Variants in ATM observed in about 807,000 individuals in gnomAD.
ATM encodes ATM serine/threonine kinase, also known as serine-protein kinase ATM.
Under a neutral mutation model 387.0 loss-of-function variants are expected in ATM, and 308 were observed. That is an observed-to-expected ratio of 0.80 (90% CI 0.73 to 0.87). The LOEUF (loss-of-function observed/expected upper bound fraction) is 0.87. Among genes scored for constraint, ATM ranks in the 40% least tolerant of loss-of-function variants. The probability of loss-of-function intolerance (pLI) is 0.00; values close to 1 mark genes in which losing one functional copy is unlikely to be tolerated. For synonymous variants in ATM, 1,156 were observed against 1,187.3 expected (o/e 0.97, Z 0.54); for missense variants, 3,312 against 3,560.9 (o/e 0.93, Z 1.78).
rs2086725697 is a variant in ATM, at chr11:108,335,375, C to T, written c.8151+266C>T. On this transcript the variant is annotated intron_variant, in intron 55 of 62. Transcript: ENST00000675843. ...ACAGACATGTACAGTGAGGTTGCTT[C>T]TTATGAAAAAAAATACTTTGGTGTC... 9 of 1,082,728 alleles carry T rather than the reference C, an allele frequency of 8.3e-6. No homozygotes were observed. In the South Asian group the frequency reaches 1.4e-4, roughly 17 times the overall value. The allele number at this position is 1,082,728 out of a possible 1,614,324, so 67.1% of individuals were successfully genotyped here.
At chr11:108,223,380 T>TA (rs2078584683) in intron 1 of ATM, 194 bp downstream of exon 1, 1 of 152,552 alleles carries the variant, frequency 6.6e-6, no homozygotes, top group Admixed American at 6.5e-5. Context: ...CTCCTCCTTT[T>TA]AAACGCCCTG....
chr11:108,354,629 T>C (rs1335561386), intron 60 of ATM, among the ~76,000 whole-genome samples, 182 bp from the exon 61 acceptor site: 5 of 152,196 alleles, frequency 3.3e-5, no homozygotes, highest in Non-Finnish European at 7.3e-5. Flanking sequence ...AAATACATAT[T>C]TGTATTCATT....
At chr11:108,305,505 A>C (rs928800493) in intron 37 of ATM, among the ~76,000 whole-genome samples, 2 of 152,154 alleles carry the variant, frequency 1.3e-5, no homozygotes, top group African/African-American at 4.8e-5. Context: ...ACTTGAACTC[A>C]GGAGGTAGAG....
At position 108,235,835 on chromosome 11, in the gene ATM, G is replaced by C. The variant is rs876658500; in HGVS notation, c.496+1G>C. 1 of 1,613,734 alleles carries C rather than the reference G, an allele frequency of 6.2e-7. No homozygotes were observed. Among genetic ancestry groups the C allele is most frequent in the Non-Finnish European group, 8.5e-7 (1 of 1,179,818 alleles). On this transcript the variant is annotated splice_donor_variant, in intron 5 of 62. Transcript: ENST00000675843. LOFTEE classifies it high-confidence loss of function. ...GAAATATCTCAGCAACAGTGGTTAG[G>C]TATGTTTTGAAGGTTGTTGTTTGTG...
chr11:108,326,876 A>G (rs2085731129), intron 47 of ATM, among the ~76,000 whole-genome samples: 1 of 152,056 alleles, frequency 6.6e-6, no homozygotes, highest in African/African-American at 2.4e-5. Flanking sequence ...CCCAGGCTGG[A>G]GTGCAGTGGT....
rs774447690 is a variant in ATM at position 108,304,645 on chromosome 11, C to T, written c.5497-30C>T. On this transcript the variant is annotated intron_variant, in intron 36 of 62. Coordinates refer to ENST00000675843, the MANE Select transcript of ATM (RefSeq NM_000051.4). ...TTAATTTTACTCATTTTTACTCAAA[C>T]TATTGGGTGGATTTGTTTGTATATT... The T allele has an allele frequency of 2.5e-6, 4 of 1,604,688 alleles. No individual in the cohort carries two copies. In the Admixed American group the frequency reaches 6.7e-5, roughly 27 times the overall value.
Position 108,334,973 on chromosome 11 carries a change from A to C in ATM, c.8015A>C (p.Asp2672Ala), listed in dbSNP as rs763161651. Residue 2672 changes from aspartate (D) to alanine (A), a missense_variant, in exon 55 of 63, where the codon GAC (aspartate) becomes GCC (alanine). This residue lies in a region of ATM where 1,405 missense variants were observed against 1,604.4 expected (regional missense o/e 0.88). Coordinates refer to ENST00000675843, the MANE Select transcript of ATM (RefSeq NM_000051.4). ...VVVPTMEIKV[D>A]HTGEYGNLVT... is the part of the protein sequence containing the mutation. ...TCATGTTTATACTTTTATTAGGTGGACCACACAGGAGAATATGGAAATCTG... is the reference window on the plus strand; with the variant it reads ...TCATGTTTATACTTTTATTAGGTGGCCCACACAGGAGAATATGGAAATCTG... 1.7e-5 allele frequency: 28 copies of C among 1,612,812 alleles called. No homozygotes were observed. The highest frequency in any genetic ancestry group is 2.2e-5 in the East Asian group (1 of 44,854).
At chr11:108,336,590 CTT>C (rs1238378881) in intron 56 of ATM, among the ~76,000 whole-genome samples, 1 of 152,024 alleles carries the variant, frequency 6.6e-6, no homozygotes, top group African/African-American at 2.4e-5. Context: ...TGTTTTCAGT[CTT>C]TTGCTGCTAC....
In ATM at chr11:108,345,761, T is replaced by C. The variant is rs1280239284; in HGVS notation, c.8437T>C (p.Phe2813Leu). ...TTTAAAGGAGGTGCAAAAAAAGTCTTTTGAAGAGAAATATGAAGTCTTCAT... is the reference window on the plus strand; with the variant it reads ...TTTAAAGGAGGTGCAAAAAAAGTCTCTTGAAGAGAAATATGAAGTCTTCAT... ...KKMMEVQKKS[F>L]EEKYEVFMDV... is the part of the protein sequence containing the mutation. The change falls in exon 58 of 63, where the codon TTT becomes CTT. Residue 2813 changes from phenylalanine to leucine, a missense_variant. Coordinates refer to ENST00000675843, the MANE Select transcript of ATM (RefSeq NM_000051.4). 6.2e-7 allele frequency: 1 copy of C among 1,612,044 alleles called. No individual in the cohort carries two copies. The highest frequency in any genetic ancestry group is 1.3e-5 in the African/African-American group (1 of 74,834).
At chr11:108,273,650 A>G (rs2081755193) in intron 22 of ATM, among the ~76,000 whole-genome samples, 1 of 151,832 alleles carries the variant, frequency 6.6e-6, no homozygotes, top group South Asian at 2.1e-4. Flanking sequence ...AGTTTTTGTC[A>G]TTCGTTCTGT....
chr11:108,297,046 A>G, intron 32 of ATM: 2 of 471,344 alleles, frequency 4.2e-6, no homozygotes, highest in South Asian at 2.2e-5. Context: ...TTATCTGCAC[A>G]ATTTGTTTAA....
intron 22 of ATM, among the ~76,000 whole-genome samples, chr11:108,273,528 G>T: frequency 6.6e-6 from 1 of 151,752 alleles, no homozygotes; most frequent in East Asian, 1.9e-4. Flanking sequence ...TTTTCGTAGA[G>T]ATGGAGTTTC....
rs552276359 is a variant in ATM, at chr11:108,365,064, T to C, written c.8851-18T>C. On this transcript the variant is annotated intron_variant, in intron 61 of 62. Transcript: ENST00000675843. Reference sequence around the variant, plus strand: ...AAATGTACATTGTTCTTTTAATACATATGTTCTCTCTGTTTAGGTCCTTCT... The same window carrying C: ...AAATGTACATTGTTCTTTTAATACACATGTTCTCTCTGTTTAGGTCCTTCT... 2 of 1,613,036 alleles carry C rather than the reference T, an allele frequency of 1.2e-6. No homozygotes were observed. Among genetic ancestry groups the C allele is most frequent in the South Asian group, 1.1e-5 (1 of 91,036 alleles).
In ATM at chr11:108,280,970, AT is replaced by A. The variant is rs1555091083; in HGVS notation, c.3403-15del. ...GTTAAACATTTACATTTTACATTAC[AT>A]TTTTTTTTTAATTTCTTTTTAAGTC... On this transcript the variant is annotated intron_variant, in intron 23 of 62. Coordinates refer to ENST00000675843, the MANE Select transcript of ATM (RefSeq NM_000051.4). 742 of 1,467,312 alleles carry A rather than the reference AT, an allele frequency of 5.1e-4. 1 individual carries two copies. Among genetic ancestry groups the A allele is most frequent in the South Asian group, 1.1e-3 (95 of 83,828 alleles). The allele number at this position is 1,467,312 out of a possible 1,614,324, so 90.9% of individuals were successfully genotyped here.
At chr11:108,229,056 G>T (rs1260671809) in intron 3 of ATM, 122 bp from the exon 4 acceptor site, 1 of 921,008 alleles carries the variant, frequency 1.1e-6, no homozygotes, top group African/African-American at 1.7e-5. Flanking sequence ...TTTTTCAGCT[G>T]ATGTAGTAAT....
intron 34 of ATM, among the ~76,000 whole-genome samples, chr11:108,300,307 A>T (rs1168168576): frequency 6.6e-6 from 1 of 152,224 alleles, no homozygotes; most frequent in Non-Finnish European, 1.5e-5. Flanking sequence ...TTATAATCCT[A>T]GAAGTCTTAA....
chr11:108,238,160 C>T (rs2079388143), intron 5 of ATM, among the ~76,000 whole-genome samples: 1 of 152,074 alleles, frequency 6.6e-6, no homozygotes, highest in Admixed American at 6.5e-5. Flanking sequence ...TTCCTGACCT[C>T]AGGTGATCCA....
At chr11:108,343,798 A>AAAC (rs907536224) in intron 57 of ATM, among the ~76,000 whole-genome samples, 9 of 152,116 alleles carry the variant, frequency 5.9e-5, no homozygotes, top group East Asian at 3.9e-4. Context: ...CAAACACAGT[A>AAAC]AACAACAACA....
intron 4 of ATM, among the ~76,000 whole-genome samples, chr11:108,234,982 A>G (rs1410732399): frequency 6.6e-6 from 1 of 152,190 alleles, no homozygotes; most frequent in Non-Finnish European, 1.5e-5. Context: ...AAGAGTGCCA[A>G]AAAACTTGGG....
Sources: gnomAD v4.1 joint callset for allele counts (sites outside exome capture counted in the v4.1 genomes callset) on GRCh38, gnomAD v4.1.1 for gene constraint, gnomAD v4.1.1 regional missense constraint, MANE v1.5 for transcripts, NCBI Gene and HGNC (gene_info 2026-07-23, HGNC 2026-07-21) for gene names.